GRIN2A: variants seen among roughly 807,000 people sequenced by gnomAD.
The protein encoded by GRIN2A is glutamate receptor ionotropic, NMDA 2A.
GRIN2A carries 22 observed loss-of-function variants against 113.4 expected under a neutral mutation model. The observed-to-expected ratio is 0.19, with a 90% CI of 0.14 to 0.28. The LOEUF (loss-of-function observed/expected upper bound fraction) is 0.28. Among genes scored for constraint, GRIN2A ranks in the 10% least tolerant of loss-of-function variants. The probability of loss-of-function intolerance (pLI) is 1.00; values close to 1 mark genes in which losing one functional copy is unlikely to be tolerated. For synonymous variants in GRIN2A, 827 were observed against 738.4 expected (o/e 1.12, Z -1.94); for missense variants, 1,502 against 1,887.0 (o/e 0.80, Z 3.78).
At chr16:9,787,993 T>C (rs958017977) in intron 11 of GRIN2A, among the ~76,000 whole-genome samples, 30 of 152,160 alleles carry the variant, frequency 2.0e-4, no homozygotes, top group African/African-American at 7.2e-4. Context: ...CATCTGGTGG[T>C]CTGTGCCTTG....
chr16:9,990,853 A>G (rs1596395570), intron 2 of GRIN2A, among the ~76,000 whole-genome samples: 1 of 152,090 alleles, frequency 6.6e-6, no homozygotes, highest in Admixed American at 6.5e-5. Flanking sequence ...GATCACCTGA[A>G]GTCAGGAGTT....
chr16:9,935,696 T>G (rs1382221076), intron 3 of GRIN2A, among the ~76,000 whole-genome samples: 1 of 152,050 alleles, frequency 6.6e-6, no homozygotes, highest in Non-Finnish European at 1.5e-5. Context: ...ATTTCCCTTT[T>G]ATTATTATTA....
intron 2 of GRIN2A, among the ~76,000 whole-genome samples, chr16:10,050,841 G>A (rs1389614737): frequency 6.6e-6 from 1 of 152,090 alleles, no homozygotes; most frequent in Non-Finnish European, 1.5e-5. Context: ...TTACAGAGGA[G>A]CACAGCCCTG....
intron 2 of GRIN2A, among the ~76,000 whole-genome samples, chr16:10,148,702 C>G (rs1286635333): frequency 6.6e-6 from 1 of 152,136 alleles, no homozygotes; most frequent in African/African-American, 2.4e-5. Context: ...AACATATGAC[C>G]CAGCAATCCT....
chr16:9,967,167 A>C (rs1290475622), intron 2 of GRIN2A, among the ~76,000 whole-genome samples: 1 of 152,202 alleles, frequency 6.6e-6, no homozygotes, highest in African/African-American at 2.4e-5. Flanking sequence ...AATTATGCTT[A>C]CAATTGCAAA....
At chr16:9,818,345 T>A (rs2042222310) in intron 10 of GRIN2A, among the ~76,000 whole-genome samples, 1 of 151,450 alleles carries the variant, frequency 6.6e-6, no homozygotes, top group African/African-American at 2.4e-5. Context: ...TTCCAAATAT[T>A]AAAAAATGCA....
At chr16:10,093,778 T>C (rs2048231394) in intron 2 of GRIN2A, among the ~76,000 whole-genome samples, 1 of 152,182 alleles carries the variant, frequency 6.6e-6, no homozygotes, top group African/African-American at 2.4e-5. Context: ...TTGAGTTTGA[T>C]CACGTGACTT....
chr16:10,064,841 C>T (rs774425555), intron 2 of GRIN2A, among the ~76,000 whole-genome samples: 7 of 152,188 alleles, frequency 4.6e-5, no homozygotes, highest in Non-Finnish European at 7.4e-5. Context: ...TGTTTCAGGG[C>T]AAGATTGATA....
At chr16:9,834,272 T>C (rs781532943) in intron 7 of GRIN2A, 42 bp from the exon 8 acceptor site, 6 of 1,609,776 alleles carry the variant, frequency 3.7e-6, no homozygotes, top group Non-Finnish European at 5.1e-6. Context: ...TGGTTAGTTA[T>C]CTCTTCCTCA....
At chr16:9,768,193 T>G (rs1901036008) in intron 12 of GRIN2A, among the ~76,000 whole-genome samples, 1 of 152,130 alleles carries the variant, frequency 6.6e-6, no homozygotes. Flanking sequence ...CCGGGGTAGC[T>G]GGGACTACAG....
At chr16:9,970,710 G>A (rs1294770671) in intron 2 of GRIN2A, 5 of 898,934 alleles carry the variant, frequency 5.6e-6, no homozygotes, top group Non-Finnish European at 6.7e-6. Context: ...AGGTACTGAA[G>A]ATAAAATAAA....
At chr16:9,909,496 G>A (rs1322519057) in intron 3 of GRIN2A, among the ~76,000 whole-genome samples, 4 of 152,210 alleles carry the variant, frequency 2.6e-5, no homozygotes, top group African/African-American at 9.7e-5. Flanking sequence ...AATGTGGATA[G>A]TGTGACTGAG....
At chr16:10,137,411 T>C (rs2049219166) in intron 2 of GRIN2A, among the ~76,000 whole-genome samples, 1 of 152,210 alleles carries the variant, frequency 6.6e-6, no homozygotes, top group Non-Finnish European at 1.5e-5. Context: ...ATTTTCTCCA[T>C]CTTAGTTTGA....
At chr16:10,165,582 C>T (rs1321995536) in intron 2 of GRIN2A, among the ~76,000 whole-genome samples, 2 of 142,946 alleles carry the variant, frequency 1.4e-5, no homozygotes, top group African/African-American at 2.6e-5. Flanking sequence ...CTTGGATTTG[C>T]TTTAAAATGA....
chr16:10,023,642 T>A (rs1039837787), intron 2 of GRIN2A, among the ~76,000 whole-genome samples: 4 of 152,196 alleles, frequency 2.6e-5, no homozygotes, highest in African/African-American at 7.2e-5. Flanking sequence ...TTTCCTCTCA[T>A]CTTGGTTCAA....
At chr16:9,831,393 C>G (rs1271813327) in intron 8 of GRIN2A, among the ~76,000 whole-genome samples, 1 of 152,104 alleles carries the variant, frequency 6.6e-6, no homozygotes, top group Non-Finnish European at 1.5e-5. Flanking sequence ...TAACTGCCCT[C>G]CCCGTCCCCG....
At chr16:9,767,610 AAAAC>A (rs560573045) in intron 12 of GRIN2A, among the ~76,000 whole-genome samples, 8 of 152,294 alleles carry the variant, frequency 5.3e-5, no homozygotes, top group South Asian at 4.1e-4. Flanking sequence ...ACAAAACAAA[AAAAC>A]AAACAAAAAA....
chr16:10,010,280 G>A (rs1027849232), intron 2 of GRIN2A, among the ~76,000 whole-genome samples: 5 of 152,182 alleles, frequency 3.3e-5, no homozygotes, highest in African/African-American at 1.2e-4. Context: ...TCCTCACCTA[G>A]GTGAGTTTCC....
chr16:10,128,148 G>A (rs35890930), intron 2 of GRIN2A, among the ~76,000 whole-genome samples: 13,787 of 152,182 alleles, frequency 0.091, 667 homozygotes, highest in Middle Eastern at 0.12. Context: ...CCATGATTCC[G>A]TAGGAAGATC....
Sources: gnomAD v4.1 joint callset for allele counts (sites outside exome capture counted in the v4.1 genomes callset) on GRCh38, gnomAD v4.1.1 for gene constraint, MANE v1.5 for transcripts, NCBI Gene and HGNC (gene_info 2026-07-23, HGNC 2026-07-21) for gene names.